Variants in THRAP3 observed in about 807,000 individuals in gnomAD.
THRAP3 encodes the protein thyroid hormone receptor-associated protein 3.
THRAP3 carries 16 observed loss-of-function variants against 101.0 expected under a neutral mutation model. That is an observed-to-expected ratio of 0.16 (90% CI 0.11 to 0.24). The LOEUF is 0.24. Among genes scored for constraint, THRAP3 ranks in the 10% least tolerant of loss-of-function variants. The pLI, the probability that THRAP3 is intolerant of heterozygous loss-of-function variation, is 1.00. For missense variants in THRAP3, 989 were observed against 1,202.7 expected, an observed-to-expected ratio of 0.82 and a Z score of 2.63; for synonymous variants, 407 against 422.6, an observed-to-expected ratio of 0.96 and a Z score of 0.45.
the THRAP3 span, among the ~76,000 whole-genome samples, chr1:36,216,984 C>G: frequency 2.0e-5 from 3 of 152,240 alleles, no homozygotes; most frequent in East Asian, 5.8e-4. Context: ...TGCTACCTCC[C>G]CAGTTGGAGG....
intron 1 of THRAP3, among the ~76,000 whole-genome samples, chr1:36,245,763 C>T (rs1364272036): frequency 6.6e-6 from 1 of 152,190 alleles, no homozygotes; most frequent in Admixed American, 6.5e-5. Flanking sequence ...TTCCTTGTCT[C>T]TTGATCATTG....
At chr1:36,214,371 TAG>T in the THRAP3 span, among the ~76,000 whole-genome samples, 1 of 152,226 alleles carries the variant, frequency 6.6e-6, no homozygotes, top group South Asian at 2.1e-4. Context: ...CCAAGACCAG[TAG>T]ATATGATCTC....
chr1:36,258,702 A>G (rs904792779), intron 1 of THRAP3, among the ~76,000 whole-genome samples: 1 of 152,120 alleles, frequency 6.6e-6, no homozygotes, highest in African/African-American at 2.4e-5. Flanking sequence ...GATGATCTCG[A>G]TCTCCTGACC....
Position 36,289,404 on chromosome 1 carries a change from A to T in THRAP3, c.1385A>T (p.Asn462Ile). The change falls in exon 5 of 12, where the codon AAC (asparagine) becomes ATC (isoleucine). Residue 462 changes from asparagine (N) to isoleucine (I), a missense_variant. By Grantham distance (149) the Asn-to-Ile change is moderately radical. Transcript: ENST00000354618. ...TCTAAAGTCATAGGTGCAAACAAAA[A>T]CCAGGAGGAGGAGAAGTCAGGCAAA... ...FMSKVIGANK[N>I]QEEEKSGKWE... 1 of 1,614,218 alleles carries T rather than the reference A, an allele frequency of 6.2e-7. No homozygotes were observed. Among genetic ancestry groups the T allele is most frequent in the Non-Finnish European group, 8.5e-7 (1 of 1,180,040 alleles).
intron 1 of THRAP3, among the ~76,000 whole-genome samples, chr1:36,236,649 A>G (rs963902554): frequency 4.6e-5 from 7 of 152,172 alleles, no homozygotes; most frequent in African/African-American, 1.7e-4. Context: ...GCCGGCTAGT[A>G]CATGCAGTTT....
intron 9 of THRAP3, among the ~76,000 whole-genome samples, chr1:36,298,146 C>CA (rs10653561): frequency 0.08 from 7,652 of 95,966 alleles, 570 homozygotes; most frequent in African/African-American, 0.11. Flanking sequence ...GACTTCATCT[C>CA]AAAAAAAAAA....
chr1:36,259,612 A>C (rs1645418726), intron 2 of THRAP3, 128 bp downstream of exon 2: 1 of 383,372 alleles, frequency 2.6e-6, no homozygotes, highest in East Asian at 3.7e-5. Flanking sequence ...AAAAAATAAA[A>C]AAATTTAACC....
At chr1:36,215,100 T>A in the THRAP3 span, among the ~76,000 whole-genome samples, 1 of 151,572 alleles carries the variant, frequency 6.6e-6, no homozygotes, top group Non-Finnish European at 1.5e-5. Flanking sequence ...GGCGGGCGCC[T>A]GTAGTCCCAG....
chr1:36,282,311 G>A (rs186261483), intron 2 of THRAP3, among the ~76,000 whole-genome samples: 4 of 150,722 alleles, frequency 2.7e-5, no homozygotes, highest in Admixed American at 2.6e-4. Context: ...ACAGCTCACT[G>A]TAACTTTGCA....
At chr1:36,240,884 G>A (rs1204335553) in intron 1 of THRAP3, among the ~76,000 whole-genome samples, 1 of 152,136 alleles carries the variant, frequency 6.6e-6, no homozygotes, top group African/African-American at 2.4e-5. Context: ...TAGGTAAAGT[G>A]TGCCATTTCT....
intron 1 of THRAP3, among the ~76,000 whole-genome samples, chr1:36,228,936 G>A (rs1294712158): frequency 6.6e-6 from 1 of 152,038 alleles, no homozygotes; most frequent in Non-Finnish European, 1.5e-5. Context: ...GGAGTTCAAG[G>A]TATTAGTGAG....
At chr1:36,293,814 A>G in intron 7 of THRAP3, 37 bp from the exon 8 acceptor site, 3 of 1,546,992 alleles carry the variant, frequency 1.9e-6, no homozygotes, top group Non-Finnish European at 2.7e-6. Context: ...ATATTCACAC[A>G]ATGGAATACT....
intron 1 of THRAP3, among the ~76,000 whole-genome samples, chr1:36,248,413 T>A (rs1645257318): frequency 6.6e-6 from 1 of 151,584 alleles, no homozygotes; most frequent in South Asian, 2.1e-4. Context: ...AGTGTTGGAT[T>A]GCAGGCCAGA....
chr1:36,288,630 G>A (rs1645826058), intron 4 of THRAP3: 3 of 985,320 alleles, frequency 3.0e-6, no homozygotes, highest in Non-Finnish European at 1.2e-6. Context: ...AATGTGAGTT[G>A]TATAAAAGCA....
intron 2 of THRAP3, among the ~76,000 whole-genome samples, chr1:36,273,766 G>A (rs1645619485): frequency 6.6e-6 from 1 of 152,152 alleles, no homozygotes; most frequent in Non-Finnish European, 1.5e-5. Context: ...ATGAGGCCAG[G>A]CATGGTGGCT....
At chr1:36,246,482 C>T (rs1478595028) in intron 1 of THRAP3, among the ~76,000 whole-genome samples, 1 of 152,188 alleles carries the variant, frequency 6.6e-6, no homozygotes, top group East Asian at 1.9e-4. Context: ...ATCTCTCCGC[C>T]TTGGCGTCCC....
At chr1:36,225,035 T>C (rs1479954181) in intron 1 of THRAP3, 1 of 152,264 alleles carries the variant, frequency 6.6e-6, no homozygotes, top group Non-Finnish European at 1.5e-5. Context: ...TTCTCACTTT[T>C]TTCTTGGGCT....
At chr1:36,249,885 G>A (rs1281310366) in intron 1 of THRAP3, among the ~76,000 whole-genome samples, 2 of 152,136 alleles carry the variant, frequency 1.3e-5, no homozygotes, top group Non-Finnish European at 2.9e-5. Context: ...AGTAGAGCAG[G>A]ATTGCAGTGT....
At chr1:36,212,421 T>G in the THRAP3 span, among the ~76,000 whole-genome samples, 9 of 145,270 alleles carry the variant, frequency 6.2e-5, no homozygotes, top group Non-Finnish European at 1.4e-4. Flanking sequence ...TTTCTTTCTT[T>G]TTTTTTTTTT....
Sources: gnomAD v4.1 joint callset for allele counts (sites outside exome capture counted in the v4.1 genomes callset) on GRCh38, gnomAD v4.1.1 for gene constraint, MANE v1.5 for transcripts, NCBI Gene and HGNC (gene_info 2026-07-23, HGNC 2026-07-21) for gene names.